The following SOX6 variants were observed in gnomAD, a reference collection of about 807,000 sequenced individuals.
SOX6 encodes the protein SRY-box transcription factor 6.
In SOX6, 11 loss-of-function variants were observed where a neutral mutation model predicts 97.8. The ratio of observed to expected loss-of-function variants is 0.11; its 90% CI spans 0.07 to 0.19. The LOEUF (loss-of-function observed/expected upper bound fraction) is 0.19, where lower values mean the gene tolerates loss of function less well. Ranked by LOEUF, SOX6 falls within the 10% of genes least tolerant of loss-of-function variation. The probability of loss-of-function intolerance (pLI) is 1.00; values close to 1 mark genes in which losing one functional copy is unlikely to be tolerated. For missense variants in SOX6, 810 were observed against 1,039.5 expected, an observed-to-expected ratio of 0.78 and a Z score of 3.04; for synonymous variants, 360 against 371.4, an observed-to-expected ratio of 0.97 and a Z score of 0.35.
At chr11:16,530,522 G>A (rs1209955632) in intron 4 of SOX6, among the ~76,000 whole-genome samples, 1 of 151,968 alleles carries the variant, frequency 6.6e-6, no homozygotes, top group East Asian at 1.9e-4. Flanking sequence ...TGATATCTGA[G>A]CCAGAATAAG....
At chr11:16,000,715 A>AGTGTGTGT (rs59042959) in intron 13 of SOX6, among the ~76,000 whole-genome samples, 8 of 151,798 alleles carry the variant, frequency 5.3e-5, no homozygotes, top group East Asian at 1.9e-4. Flanking sequence ...AGAGGATGAC[A>AGTGTGTGT]GTGTGTGTGT....
At chr11:16,146,956 G>A (rs1850322652) in intron 6 of SOX6, among the ~76,000 whole-genome samples, 1 of 152,260 alleles carries the variant, frequency 6.6e-6, no homozygotes, top group East Asian at 1.9e-4. Flanking sequence ...GATTCCTCAA[G>A]GATCCAGAAC....
At chr11:16,583,247 G>C (rs1254578497) in intron 4 of SOX6, among the ~76,000 whole-genome samples, 1 of 151,682 alleles carries the variant, frequency 6.6e-6, no homozygotes, top group Non-Finnish European at 1.5e-5. Context: ...TCAAAAGCAG[G>C]GTAATATCCA....
chr11:16,440,724 T>C (rs1345810538), intron 1 of SOX6, among the ~76,000 whole-genome samples: 1 of 152,154 alleles, frequency 6.6e-6, no homozygotes, highest in African/African-American at 2.4e-5. Flanking sequence ...ATAATACTGT[T>C]TCTCTATTTG....
chr11:16,170,381 T>C (rs929847184), intron 6 of SOX6, among the ~76,000 whole-genome samples: 6 of 151,990 alleles, frequency 3.9e-5, no homozygotes, highest in African/African-American at 1.4e-4. Flanking sequence ...AAAAAACCTT[T>C]CTATCATTCA....
intron 4 of SOX6, among the ~76,000 whole-genome samples, chr11:16,488,541 G>C (rs1441858494): frequency 6.6e-6 from 1 of 152,030 alleles, no homozygotes; most frequent in Non-Finnish European, 1.5e-5. Flanking sequence ...AGGTGATGTG[G>C]TGGCTAGTAT....
rs371164993 is a variant in SOX6 at position 16,565,103 on chromosome 11, T to A, written n.609+46978A>T. Among the ~76,000 whole-genome samples, 3 of 152,254 alleles carry A rather than the reference T, an allele frequency of 2.0e-5. No homozygotes were observed. The South Asian group carries it at 6.2e-4, about 32-fold the overall frequency. The stretch of plus-strand genomic sequence containing the variant: ...GAGAGAAAACACAAATTACCAATAT[T>A]AGTAATGAAATAGGGGATATCATTA... On this transcript the variant is annotated intron_variant and non_coding_transcript_variant, in intron 4 of 5. Transcript: ENST00000524520.
intron 7 of SOX6, among the ~76,000 whole-genome samples, chr11:16,109,592 T>C (rs181934336): frequency 1.3e-5 from 2 of 152,158 alleles, no homozygotes; most frequent in Non-Finnish European, 2.9e-5. Flanking sequence ...CCAATAGAAG[T>C]CTCTTCACCT....
chr11:16,643,739 T>C (rs1848963353), intron 3 of SOX6, among the ~76,000 whole-genome samples: 2 of 152,322 alleles, frequency 1.3e-5, no homozygotes, highest in South Asian at 2.1e-4. Context: ...TCTCCTGGTG[T>C]GCCGTTTGCT....
chr11:16,050,834 T>C (rs1847667938), intron 10 of SOX6, among the ~76,000 whole-genome samples: 1 of 152,162 alleles, frequency 6.6e-6, no homozygotes, highest in South Asian at 2.1e-4. Context: ...AATATGACCA[T>C]ATTTATTTAA....
At chr11:16,508,714 T>C (rs560550914) in intron 4 of SOX6, among the ~76,000 whole-genome samples, 1 of 151,958 alleles carries the variant, frequency 6.6e-6, no homozygotes, top group Non-Finnish European at 1.5e-5. Flanking sequence ...TGAGGAAAGG[T>C]TGGTTAATGA....
intron 4 of SOX6, among the ~76,000 whole-genome samples, chr11:16,521,910 G>A (rs563449244): frequency 7.9e-5 from 12 of 152,228 alleles, no homozygotes; most frequent in Admixed American, 3.9e-4. Context: ...GAAATGAAGC[G>A]AGAAGAGAAG....
chr11:16,710,358 G>A (rs1848169044), intron 3 of SOX6, among the ~76,000 whole-genome samples: 1 of 152,190 alleles, frequency 6.6e-6, no homozygotes, highest in Non-Finnish European at 1.5e-5. Context: ...TTGAGAAGGT[G>A]AGAAAACTAA....
intron 4 of SOX6, among the ~76,000 whole-genome samples, chr11:16,189,899 T>TA (rs1851584977): frequency 6.6e-6 from 1 of 152,158 alleles, no homozygotes; most frequent in Admixed American, 6.6e-5. Context: ...CAAGGACCAA[T>TA]ACCAGAGTTG....
At chr11:16,207,858 T>C (rs2134137239) in intron 4 of SOX6, among the ~76,000 whole-genome samples, 1 of 152,232 alleles carries the variant, frequency 6.6e-6, no homozygotes, top group East Asian at 1.9e-4. Context: ...TGATTGTCTG[T>C]GGGCTGTGCA....
intron 12 of SOX6, among the ~76,000 whole-genome samples, chr11:16,046,072 T>C (rs902200735): frequency 2.6e-5 from 4 of 152,300 alleles, no homozygotes; most frequent in East Asian, 1.9e-4. Flanking sequence ...AATTTGCAAA[T>C]TGCTTTGTTT....
intron 4 of SOX6, among the ~76,000 whole-genome samples, chr11:16,562,115 A>T (rs942589085): frequency 6.6e-6 from 1 of 152,166 alleles, no homozygotes. Flanking sequence ...CTGAAGTCTA[A>T]CATGTTCTTG....
chr11:16,074,138 T>C (rs371368375), intron 9 of SOX6, among the ~76,000 whole-genome samples: 4 of 151,880 alleles, frequency 2.6e-5, no homozygotes, highest in African/African-American at 9.7e-5. Flanking sequence ...CAAAAAACCA[T>C]ACAAAAAATC....
intron 4 of SOX6, among the ~76,000 whole-genome samples, chr11:16,514,716 T>G (rs529021315): frequency 5.4e-5 from 6 of 111,658 alleles, no homozygotes; most frequent in South Asian, 6.3e-4. Context: ...CCCACAACAG[T>G]CCCCAGAGTG....
Sources: allele counts gnomAD v4.1 joint callset (sites outside exome capture counted in the v4.1 genomes callset), GRCh38; gene constraint gnomAD v4.1.1; transcripts MANE v1.5; gene names NCBI Gene and HGNC (gene_info 2026-07-23, HGNC 2026-07-21).